Variants in LYPLAL1 observed in about 807,000 individuals in gnomAD.
LYPLAL1 encodes the protein lysophospholipase like 1, also known as lysophospholipase-like protein 1.
A neutral mutation model predicts 19.7 loss-of-function variants in LYPLAL1; 23 were observed. The observed-to-expected ratio is 1.17, with a 90% CI of 0.84 to 1.65. The LOEUF is 1.65. Ranked by LOEUF, LYPLAL1 falls within the 40% of genes most tolerant of loss-of-function variation. The pLI, the probability that LYPLAL1 is intolerant of heterozygous loss-of-function variation, is 0.00. For synonymous variants in LYPLAL1, 119 were observed against 96.3 expected, an observed-to-expected ratio of 1.24 and a Z score of -1.38; for missense variants, 355 against 279.4, an observed-to-expected ratio of 1.27 and a Z score of -1.93.
rs201543698 is a variant in LYPLAL1 at position 219,179,139 on chromosome 1, T to C, written c.92-8T>C. 6.3e-7 allele frequency: 1 copy of C among 1,581,268 alleles called. No individual in the cohort carries two copies. Among genetic ancestry groups the C allele is most frequent in the Admixed American group, 1.9e-5 (1 of 53,298 alleles). ...ATTTATTTTAATCTAGATTTTTTGATTCATCAGGTGATTCTGGACAAGGAT... is the reference window on the plus strand; with the variant it reads ...ATTTATTTTAATCTAGATTTTTTGACTCATCAGGTGATTCTGGACAAGGAT... On this transcript the variant is annotated splice_region_variant and splice_polypyrimidine_tract_variant and intron_variant, in intron 1 of 4. Coordinates refer to ENST00000366928, the MANE Select transcript of LYPLAL1 (RefSeq NM_138794.5).
the LYPLAL1 span, among the ~76,000 whole-genome samples, chr1:219,358,823 CGTGTGTGTGTGCGTGTGT>C: frequency 2.0e-5 from 3 of 150,794 alleles, no homozygotes; most frequent in African/African-American, 7.3e-5. Flanking sequence ...AATTATAGTG[CGTGTGTGTGTGCGTGTGT>C]GTGTGTGTGT....
At chr1:219,227,661 A>T in the LYPLAL1 span, among the ~76,000 whole-genome samples, 1 of 152,214 alleles carries the variant, frequency 6.6e-6, no homozygotes, top group African/African-American at 2.4e-5. Context: ...GCAAAAAAAA[A>T]TTGAAAAATG....
the LYPLAL1 span, chr1:219,225,372 T>G: frequency 1.3e-5 from 2 of 152,330 alleles, no homozygotes; most frequent in African/African-American, 4.8e-5. Flanking sequence ...GTTGAGTTAC[T>G]GTTTTTGTGG....
chr1:219,414,000 A>G, the LYPLAL1 span, among the ~76,000 whole-genome samples: 1 of 152,194 alleles, frequency 6.6e-6, no homozygotes, highest in African/African-American at 2.4e-5. Flanking sequence ...TACAATTTTC[A>G]TTTACTGAGT....
chr1:219,316,765 C>T, the LYPLAL1 span, among the ~76,000 whole-genome samples: 2 of 152,220 alleles, frequency 1.3e-5, no homozygotes, highest in African/African-American at 2.4e-5. Context: ...ATCTTGCAGA[C>T]ACTACATTAA....
At chr1:219,233,743 G>A in the LYPLAL1 span, among the ~76,000 whole-genome samples, 4 of 149,588 alleles carry the variant, frequency 2.7e-5, no homozygotes, top group African/African-American at 9.9e-5. Flanking sequence ...CTGCACCCCA[G>A]TCTCAGTGAC....
the LYPLAL1 span, among the ~76,000 whole-genome samples, chr1:219,380,181 T>G: frequency 2.0e-5 from 3 of 152,182 alleles, no homozygotes; most frequent in Non-Finnish European, 4.4e-5. Flanking sequence ...TGGGGTCTTG[T>G]GAGGAGAAGA....
At chr1:219,332,178 C>T in the LYPLAL1 span, among the ~76,000 whole-genome samples, 3 of 152,234 alleles carry the variant, frequency 2.0e-5, no homozygotes, top group Admixed American at 6.5e-5. Context: ...GTCAGGTTAC[C>T]CTGCTGGAGA....
chr1:219,248,798 T>C, the LYPLAL1 span, among the ~76,000 whole-genome samples: 1 of 152,114 alleles, frequency 6.6e-6, no homozygotes, highest in Non-Finnish European at 1.5e-5. Flanking sequence ...TTAGCATACT[T>C]CTTTAAAATA....
the LYPLAL1 span, among the ~76,000 whole-genome samples, chr1:219,329,223 A>G: frequency 6.6e-6 from 1 of 152,176 alleles, no homozygotes; most frequent in East Asian, 1.9e-4. Flanking sequence ...ATGTTCCTTA[A>G]CTCTACTTAA....
At chr1:219,321,479 C>T in the LYPLAL1 span, among the ~76,000 whole-genome samples, 1 of 152,076 alleles carries the variant, frequency 6.6e-6, no homozygotes, top group Non-Finnish European at 1.5e-5. Flanking sequence ...GCTTTTGTTG[C>T]CATTGCTTTT....
At chr1:219,215,612 A>G (rs1432223903), downstream of LYPLAL1, among the ~76,000 whole-genome samples, 2 of 152,090 alleles carry the variant, frequency 1.3e-5, no homozygotes, top group Non-Finnish European at 2.9e-5. Context: ...CTTGTCTCTC[A>G]TACTCTGCCC....
chr1:219,439,992 C>CATATATATATATACATATATATATAT, the LYPLAL1 span, among the ~76,000 whole-genome samples: 7 of 32,386 alleles, frequency 2.2e-4, no homozygotes, highest in African/African-American at 5.7e-4. Flanking sequence ...TATATATATA[C>CATATATATATATACATATATATATAT]ACACATATAT....
At chr1:219,318,764 A>G in the LYPLAL1 span, among the ~76,000 whole-genome samples, 34 of 152,314 alleles carry the variant, frequency 2.2e-4, no homozygotes, top group African/African-American at 8.2e-4. Flanking sequence ...TCATTCCCTG[A>G]TGAAATTACC....
At chr1:219,241,134 C>CTCTCTCTCTATATATATATATA in the LYPLAL1 span, among the ~76,000 whole-genome samples, 59 of 44,322 alleles carry the variant, frequency 1.3e-3, no homozygotes, top group Non-Finnish European at 1.7e-3. Context: ...CTCTCTCTCT[C>CTCTCTCTCTATATATATATATA]TATATATATA....
chr1:219,191,517 A>G (rs962254844), intron 2 of LYPLAL1, among the ~76,000 whole-genome samples: 5 of 151,640 alleles, frequency 3.3e-5, no homozygotes, highest in Non-Finnish European at 4.4e-5. Context: ...CAGATAGACT[A>G]CTTTATTTTT....
chr1:219,334,348 A>C, the LYPLAL1 span, among the ~76,000 whole-genome samples: 1 of 151,936 alleles, frequency 6.6e-6, no homozygotes, highest in Non-Finnish European at 1.5e-5. Flanking sequence ...TTTATACTTT[A>C]ATCTTCTAAT....
At chr1:219,268,423 G>A in the LYPLAL1 span, among the ~76,000 whole-genome samples, 1 of 152,206 alleles carries the variant, frequency 6.6e-6, no homozygotes. Context: ...TGTACCTGGT[G>A]CATCCAAGAA....
the LYPLAL1 span, among the ~76,000 whole-genome samples, chr1:219,392,166 A>G: frequency 1.4e-3 from 220 of 152,252 alleles, no homozygotes; most frequent in Admixed American, 4.3e-3. Context: ...CTCTCAGGTC[A>G]GAGGTGCTGC....
Sources: allele counts gnomAD v4.1 joint callset (sites outside exome capture counted in the v4.1 genomes callset), GRCh38; gene constraint gnomAD v4.1.1; transcripts MANE v1.5; gene names NCBI Gene and HGNC (gene_info 2026-07-23, HGNC 2026-07-21).